DLG2: variants seen among roughly 807,000 people sequenced by gnomAD.
The protein encoded by DLG2 is disks large homolog 2.
A neutral mutation model predicts 132.5 loss-of-function variants in DLG2; 45 were observed. The observed-to-expected ratio is 0.34, with a 90% CI of 0.27 to 0.44. DLG2 has a LOEUF of 0.44. Among genes scored for constraint, DLG2 ranks in the 20% least tolerant of loss-of-function variants. The pLI is 1.00. For synonymous variants in DLG2, 424 were observed against 419.6 expected (o/e 1.01, Z -0.13); for missense variants, 1,045 against 1,196.9 (o/e 0.87, Z 1.87).
intron 7 of DLG2, among the ~76,000 whole-genome samples, chr11:84,256,693 T>C (rs774449713): frequency 6.2e-4 from 95 of 152,150 alleles, no homozygotes; most frequent in Non-Finnish European, 1.2e-3. Flanking sequence ...GTGGGCAAGA[T>C]TTCTTGTCTA....
intron 6 of DLG2, among the ~76,000 whole-genome samples, chr11:85,050,850 T>G (rs908249090): frequency 3.3e-5 from 5 of 152,108 alleles, no homozygotes; most frequent in African/African-American, 1.2e-4. Flanking sequence ...CTCAACAAAT[T>G]TGTGATTTGC....
chr11:84,623,387 C>G (rs533638809), intron 6 of DLG2, among the ~76,000 whole-genome samples: 9 of 152,284 alleles, frequency 5.9e-5, no homozygotes, highest in African/African-American at 2.2e-4. Flanking sequence ...GAAACCTTCC[C>G]AGACCTTTCC....
At chr11:84,494,463 G>A (rs1320823502) in intron 7 of DLG2, among the ~76,000 whole-genome samples, 2 of 152,108 alleles carry the variant, frequency 1.3e-5, no homozygotes, top group Non-Finnish European at 2.9e-5. Context: ...AGAGACCCAG[G>A]GCCTTGGGCC....
intron 7 of DLG2, among the ~76,000 whole-genome samples, chr11:84,307,960 A>C (rs1395565100): frequency 1.3e-5 from 2 of 152,110 alleles, no homozygotes; most frequent in East Asian, 3.9e-4. Flanking sequence ...GTGAAGTTGC[A>C]GACTTCTGCG....
chr11:84,949,458 C>T (rs182098210), intron 6 of DLG2, among the ~76,000 whole-genome samples: 78 of 150,238 alleles, frequency 5.2e-4, no homozygotes, highest in Middle Eastern at 6.8e-3. Flanking sequence ...AGCCTGGGAG[C>T]GCTATGGGAG....
chr11:83,932,030 T>C (rs1340897873), intron 14 of DLG2, among the ~76,000 whole-genome samples: 3 of 152,198 alleles, frequency 2.0e-5, no homozygotes, highest in African/African-American at 7.2e-5. Context: ...AGATATCACA[T>C]CCAGTTTCTT....
intron 6 of DLG2, among the ~76,000 whole-genome samples, chr11:84,738,745 T>G (rs896618803): frequency 1.3e-5 from 2 of 152,100 alleles, no homozygotes; most frequent in African/African-American, 4.8e-5. Flanking sequence ...TAAACATAAA[T>G]GTATTGTACA....
At chr11:85,091,944 C>A (rs1231262585) in intron 6 of DLG2, among the ~76,000 whole-genome samples, 1 of 152,154 alleles carries the variant, frequency 6.6e-6, no homozygotes, top group East Asian at 1.9e-4. Flanking sequence ...TGAATGTTCT[C>A]AATGGCATCT....
intron 11 of DLG2, among the ~76,000 whole-genome samples, chr11:84,053,209 A>G (rs1310843784): frequency 2.0e-5 from 3 of 152,034 alleles, no homozygotes; most frequent in Non-Finnish European, 4.4e-5. Context: ...GTGGCAGCTG[A>G]GCAATGAGAA....
chr11:85,001,021 T>C (rs2058156657), intron 6 of DLG2, among the ~76,000 whole-genome samples: 2 of 152,144 alleles, frequency 1.3e-5, no homozygotes, highest in South Asian at 4.1e-4. Context: ...CATGCATTTT[T>C]AGCAATAATT....
At chr11:84,667,584 C>A (rs1184982310) in intron 6 of DLG2, among the ~76,000 whole-genome samples, 8 of 150,022 alleles carry the variant, frequency 5.3e-5, no homozygotes, top group African/African-American at 2.0e-4. Flanking sequence ...GCAACCTCCG[C>A]CTCCTGGGTT....
At chr11:84,808,795 A>G (rs1365331106) in intron 6 of DLG2, among the ~76,000 whole-genome samples, 1 of 151,984 alleles carries the variant, frequency 6.6e-6, no homozygotes, top group Non-Finnish European at 1.5e-5. Context: ...CCTTTAAAAG[A>G]CTTGACTTTA....
chr11:84,310,585 G>A (rs1396657298), intron 7 of DLG2, among the ~76,000 whole-genome samples: 4 of 152,138 alleles, frequency 2.6e-5, no homozygotes, highest in Admixed American at 6.5e-5. Flanking sequence ...TTGACCAAAC[G>A]GCTTCACATC....
At chr11:84,851,302 T>C (rs968514632) in intron 6 of DLG2, among the ~76,000 whole-genome samples, 9 of 152,124 alleles carry the variant, frequency 5.9e-5, no homozygotes, top group African/African-American at 2.2e-4. Context: ...TTCATGCATA[T>C]TGTTGCACAT....
At chr11:84,959,635 T>G (rs1020533623) in intron 6 of DLG2, among the ~76,000 whole-genome samples, 7 of 152,208 alleles carry the variant, frequency 4.6e-5, no homozygotes, top group African/African-American at 1.7e-4. Flanking sequence ...ATATCTGTAG[T>G]AAGGTGGTGT....
intron 15 of DLG2, among the ~76,000 whole-genome samples, chr11:83,913,102 C>T (rs553510955): frequency 6.6e-6 from 1 of 152,094 alleles, no homozygotes; most frequent in Non-Finnish European, 1.5e-5. Context: ...CCCTTAACTT[C>T]TCTCTCATTT....
chr11:85,376,346 T>C (rs188911222), intron 3 of DLG2, among the ~76,000 whole-genome samples: 113 of 152,228 alleles, frequency 7.4e-4, no homozygotes, highest in African/African-American at 2.7e-3. Context: ...AAGACAATCA[T>C]AGAATTCACT....
intron 6 of DLG2, among the ~76,000 whole-genome samples, chr11:84,734,752 C>G (rs1173007444): frequency 6.6e-6 from 1 of 152,136 alleles, no homozygotes; most frequent in African/African-American, 2.4e-5. Context: ...TTTGCCCATT[C>G]AGCAAGATAT....
intron 7 of DLG2, among the ~76,000 whole-genome samples, chr11:84,280,513 C>T (rs969007886): frequency 3.9e-5 from 6 of 151,924 alleles, no homozygotes; most frequent in Admixed American, 2.0e-4. Context: ...AGGTGATCTG[C>T]CTGCCTCTGA....
Sources: allele counts gnomAD v4.1 joint callset (sites outside exome capture counted in the v4.1 genomes callset), GRCh38; gene constraint gnomAD v4.1.1; transcripts MANE v1.5; gene names NCBI Gene and HGNC (gene_info 2026-07-23, HGNC 2026-07-21).